Variants in BACH2 observed in about 807,000 individuals in gnomAD.
BACH2 encodes the protein BACH transcriptional regulator 2.
Under a neutral mutation model 61.8 loss-of-function variants are expected in BACH2, and 5 were observed. That is an observed-to-expected ratio of 0.08 (90% CI 0.04 to 0.17). The LOEUF is 0.17. Ranked by LOEUF, BACH2 falls within the 10% of genes least tolerant of loss-of-function variation. The pLI is 1.00. For missense variants in BACH2, 824 were observed against 1,091.1 expected, an observed-to-expected ratio of 0.76 and a Z score of 3.45; for synonymous variants, 446 against 440.1, an observed-to-expected ratio of 1.01 and a Z score of -0.17.
chr6:90,202,762 G>C (rs1768998341), intron 4 of BACH2, among the ~76,000 whole-genome samples: 1 of 152,104 alleles, frequency 6.6e-6, no homozygotes, highest in Admixed American at 6.5e-5. Context: ...GAAGAGTAAA[G>C]GATCATAATC....
At chr6:90,284,430 T>C (rs1444200625) in intron 1 of BACH2, among the ~76,000 whole-genome samples, 5 of 152,176 alleles carry the variant, frequency 3.3e-5, no homozygotes, top group Non-Finnish European at 7.3e-5. Flanking sequence ...CACAGGGTTA[T>C]GGGGCTACTT....
At chr6:90,290,836 C>T (rs1772156000) in intron 1 of BACH2, among the ~76,000 whole-genome samples, 2 of 152,132 alleles carry the variant, frequency 1.3e-5, no homozygotes, top group African/African-American at 4.8e-5. Flanking sequence ...CTTGGAAACT[C>T]GAAAAGCTTT....
At chr6:90,065,270 C>CCTTTTTTTTTTTTTTTTTTTTTTTT (rs1780894736) in intron 5 of BACH2, among the ~76,000 whole-genome samples, 1 of 52,648 alleles carries the variant, frequency 1.9e-5, no homozygotes, top group Non-Finnish European at 3.4e-5. Context: ...GCCGCCCCCA[C>CCTTTTTTTTTTTTTTTTTTTTTTTT]TTTTTTTTTT....
At position 90,116,291 on chromosome 6, in the gene BACH2, A is replaced by T. The variant is rs1056624162; in HGVS notation, c.-161-27182T>A. Among the ~76,000 whole-genome samples, 8 of 152,350 alleles carry T rather than the reference A, an allele frequency of 5.3e-5. No individual in the cohort carries two copies. In the South Asian group the frequency reaches 1.4e-3, roughly 28 times the overall value. On this transcript the variant is annotated intron_variant, in intron 4 of 8. Coordinates refer to ENST00000257749, the MANE Select transcript of BACH2 (RefSeq NM_021813.4). Reference sequence around the variant, plus strand: ...GATAAAGAAAATGTGGTACATATACATCATGGAATATTATGCAGCCATAAA... The same window carrying T: ...GATAAAGAAAATGTGGTACATATACTTCATGGAATATTATGCAGCCATAAA...
chr6:90,201,070 T>C (rs1768941444), intron 4 of BACH2, among the ~76,000 whole-genome samples: 1 of 152,216 alleles, frequency 6.6e-6, no homozygotes, highest in African/African-American at 2.4e-5. Flanking sequence ...TCACTCAGTA[T>C]TCCTCAATCC....
chr6:90,155,394 A>T (rs545651023), intron 4 of BACH2, among the ~76,000 whole-genome samples: 9 of 152,346 alleles, frequency 5.9e-5, no homozygotes, highest in African/African-American at 2.2e-4. Flanking sequence ...TATAATAAAC[A>T]TCATTTTTGG....
At chr6:89,992,165 C>T (rs1233684411) in intron 6 of BACH2, among the ~76,000 whole-genome samples, 2 of 152,102 alleles carry the variant, frequency 1.3e-5, no homozygotes, top group East Asian at 3.8e-4. Context: ...TTTATCCTTT[C>T]TGTTTCTTTT....
At chr6:90,047,637 G>T (rs1185173984) in intron 5 of BACH2, among the ~76,000 whole-genome samples, 1 of 152,096 alleles carries the variant, frequency 6.6e-6, no homozygotes, top group Non-Finnish European at 1.5e-5. Flanking sequence ...CCATCCTGAC[G>T]TTCCTAGGAG....
chr6:89,947,862 C>T (rs892296582), intron 7 of BACH2, among the ~76,000 whole-genome samples: 6 of 152,076 alleles, frequency 3.9e-5, no homozygotes, highest in South Asian at 2.1e-4. Context: ...TGAGCCACCG[C>T]GCCCAGCCAT....
At chr6:90,087,494 G>A (rs1381875560) in intron 5 of BACH2, among the ~76,000 whole-genome samples, 4 of 152,140 alleles carry the variant, frequency 2.6e-5, no homozygotes, top group African/African-American at 7.2e-5. Flanking sequence ...TTGTATGTAT[G>A]CTTACATGTG....
chr6:90,233,847 C>G (rs1770177101), intron 3 of BACH2, among the ~76,000 whole-genome samples: 1 of 152,064 alleles, frequency 6.6e-6, no homozygotes, highest in African/African-American at 2.4e-5. Flanking sequence ...CAGCCACGGC[C>G]CTATGGACCA....
rs1384879009 is a variant in BACH2, at chr6:89,954,091, C to T, written c.244-2229G>A. 2.0e-5 allele frequency among the ~76,000 whole-genome samples: 3 copies of T among 152,200 alleles called. No homozygotes were observed. The South Asian group carries it at 6.2e-4, about 31-fold the overall frequency. On this transcript the variant is annotated intron_variant, in intron 6 of 8. Coordinates refer to ENST00000257749, the MANE Select transcript of BACH2 (RefSeq NM_021813.4). ...GAATGTCACATGACCTATTCCTTTA[C>T]TGCCACATGGCTCCACCACAAAGAA...
chr6:90,237,054 GCTGGGACTACAGGCGC>G (rs1341168388), intron 3 of BACH2, among the ~76,000 whole-genome samples: 1 of 152,194 alleles, frequency 6.6e-6, no homozygotes, highest in East Asian at 1.9e-4. Flanking sequence ...CTCCCAAGTA[GCTGGGACTACAGGCGC>G]CTGCCACCAC....
intron 4 of BACH2, among the ~76,000 whole-genome samples, chr6:90,166,195 C>G (rs1333505021): frequency 6.6e-6 from 1 of 152,080 alleles, no homozygotes; most frequent in Non-Finnish European, 1.5e-5. Context: ...CTACAAAGAA[C>G]TCCAAAAAAT....
intron 4 of BACH2, among the ~76,000 whole-genome samples, chr6:90,141,348 T>G (rs1369284508): frequency 1.3e-5 from 2 of 152,072 alleles, no homozygotes; most frequent in East Asian, 3.9e-4. Flanking sequence ...ATCCAGCTAA[T>G]TTTTGTATTT....
rs142875295 is a variant in BACH2, at chr6:90,191,219, C to T, written c.-162+15350G>A. Reference sequence around the variant, plus strand: ...AAGTGTGAGAGTGTGAAGTAGAAACCAGTTTTAAGGAACTGTAAGAGTTCT... The same window carrying T: ...AAGTGTGAGAGTGTGAAGTAGAAACTAGTTTTAAGGAACTGTAAGAGTTCT... On this transcript the variant is annotated intron_variant, in intron 4 of 8. Transcript: ENST00000257749. Among the ~76,000 whole-genome samples the T allele has an allele frequency of 3.9e-4, 59 of 152,310 alleles. 3 individuals carry two copies. The East Asian group carries it at 6.8e-3, about 17-fold the overall frequency.
intron 3 of BACH2, among the ~76,000 whole-genome samples, chr6:90,221,916 T>G (rs183536778): frequency 5.3e-4 from 80 of 152,212 alleles, no homozygotes; most frequent in African/African-American, 7.0e-4. Flanking sequence ...AAACTCTAAA[T>G]GTCATGATAT....
Position 89,932,437 on chromosome 6 carries a change from C to T in BACH2, c.2497G>A (p.Asp833Asn). The change falls in exon 9 of 9, where the codon GAC becomes AAC. Residue 833 changes from aspartate (D) to asparagine (N), a missense_variant. Around this residue, in one of 8 missense-constraint regions of BACH2, gnomAD observed 135 missense variants for 142.7 expected, o/e 0.95. Coordinates refer to ENST00000257749, the MANE Select transcript of BACH2 (RefSeq NM_021813.4). ...GTATAATCTTTCCTGGGCTGTTCGT[C>T]AGTTGTACACTTATCAGTCATTTCC... ...CQEMTDKCTT[D>N]EQPRKDYT 6.2e-7 allele frequency: 1 copy of T among 1,613,898 alleles called. No individual in the cohort carries two copies. The highest frequency in any genetic ancestry group is 8.5e-7 in the Non-Finnish European group (1 of 1,179,814).
intron 6 of BACH2, among the ~76,000 whole-genome samples, chr6:90,004,232 G>C (rs1240487528): frequency 6.6e-6 from 1 of 152,136 alleles, no homozygotes. Flanking sequence ...CTTTTCTTTA[G>C]AATCCTTCTG....
Sources: gnomAD v4.1 joint callset for allele counts (sites outside exome capture counted in the v4.1 genomes callset) on GRCh38, gnomAD v4.1.1 for gene constraint, gnomAD v4.1.1 regional missense constraint, MANE v1.5 for transcripts, NCBI Gene and HGNC (gene_info 2026-07-23, HGNC 2026-07-21) for gene names.